Variants in ANGPTL5 observed in about 807,000 individuals in gnomAD.
ANGPTL5 encodes the protein angiopoietin-related protein 5.
A neutral mutation model predicts 39.4 loss-of-function variants in ANGPTL5; 34 were observed. The observed-to-expected ratio is 0.86, with a 90% CI of 0.66 to 1.15. The LOEUF is 1.15. Among genes scored for constraint, ANGPTL5 ranks in the 50% most tolerant of loss-of-function variants. ANGPTL5 has a pLI of 0.00. For missense variants in ANGPTL5, 467 were observed against 457.5 expected (o/e 1.02, Z -0.19); for synonymous variants, 146 against 152.1 (o/e 0.96, Z 0.29).
chr11:101,900,584 A>G (rs761711647), intron 6 of ANGPTL5, 34 bp from the exon 7 acceptor site: 20 of 1,590,188 alleles, frequency 1.3e-5, no homozygotes, highest in Non-Finnish European at 1.2e-5. Context: ...AAAATAATAC[A>G]CTATTATTTT....
chr11:101,909,782 T>A (rs563839307), intron 1 of ANGPTL5, among the ~76,000 whole-genome samples: 9 of 152,334 alleles, frequency 5.9e-5, no homozygotes, highest in Admixed American at 2.0e-4. Context: ...ACTTGTTAAA[T>A]TAAATAAGCA....
intron 7 of ANGPTL5, among the ~76,000 whole-genome samples, chr11:101,896,676 G>A (rs191902842): frequency 0.012 from 1,799 of 152,218 alleles, 16 homozygotes; most frequent in Non-Finnish European, 0.021. Flanking sequence ...TCCCTGCAAA[G>A]GACATGAACT....
intron 1 of ANGPTL5, among the ~76,000 whole-genome samples, chr11:101,913,149 A>G (rs371584682): frequency 6.6e-6 from 1 of 152,184 alleles, no homozygotes. Flanking sequence ...ACTGATTTCA[A>G]TAACTTTCTC....
intron 1 of ANGPTL5, among the ~76,000 whole-genome samples, chr11:101,910,583 C>G (rs771222286): frequency 6.6e-6 from 1 of 152,150 alleles, no homozygotes; most frequent in Middle Eastern, 3.4e-3. Flanking sequence ...TCACATTTAA[C>G]ATGTTTGAAG....
chr11:101,896,813 C>T (rs953719356), intron 7 of ANGPTL5, among the ~76,000 whole-genome samples: 6 of 152,186 alleles, frequency 3.9e-5, no homozygotes, highest in Non-Finnish European at 8.8e-5. Context: ...CTGCAATACA[C>T]GTACATGTAC....
intron 8 of ANGPTL5, 139 bp downstream of exon 8, chr11:101,894,740 C>A (rs183780157): frequency 2.3e-6 from 2 of 861,954 alleles, no homozygotes; most frequent in Admixed American, 2.6e-5. Flanking sequence ...CAAGACTTGG[C>A]CAGCTTTCTT....
At chr11:101,906,189 C>T (rs2137061836) in intron 3 of ANGPTL5, among the ~76,000 whole-genome samples, 1 of 152,194 alleles carries the variant, frequency 6.6e-6, no homozygotes, top group Admixed American at 6.5e-5. Context: ...TAGGATTCAT[C>T]AATTCTTACT....
Position 101,891,067 on chromosome 11 carries a change from T to C in ANGPTL5, c.*212A>G, listed in dbSNP as rs898149740. The C allele has an allele frequency of 7.0e-6, 3 of 430,882 alleles. No homozygotes were observed. The highest frequency in any genetic ancestry group is 1.2e-5 in the Non-Finnish European group (3 of 243,382). 26.7% of individuals were successfully genotyped at this position (430,882 alleles called of 1,614,324 possible). On this transcript the variant is annotated 3_prime_UTR_variant, in exon 9 of 9. Transcript: ENST00000334289. ...TGAAACAAATTTCATTGTATATTGT[T>C]AATATAGTCAGAAGTAAAAACATAC...
At chr11:101,900,905 G>A (rs936939127) in intron 6 of ANGPTL5, among the ~76,000 whole-genome samples, 9 of 151,206 alleles carry the variant, frequency 6.0e-5, no homozygotes, top group African/African-American at 2.2e-4. Context: ...AGGCTGGAGT[G>A]CAGTGGCGCG....
chr11:101,902,303 T>C lies in ANGPTL5; in HGVS notation c.540+318A>G, dbSNP rs549636228. Among the ~76,000 whole-genome samples the C allele has an allele frequency of 3.3e-5, 5 of 152,260 alleles. No homozygotes were observed. In the South Asian group the frequency reaches 8.3e-4, roughly 25 times the overall value. On this transcript the variant is annotated intron_variant, in intron 6 of 8. Transcript: ENST00000334289. ...AAAGCAAGCAAGTATTTATATTGCA[T>C]AGTTCTGCCTGCTATAGTTCTGCCT...
At chr11:101,912,908 C>A (rs1370761516) in intron 1 of ANGPTL5, among the ~76,000 whole-genome samples, 2 of 152,162 alleles carry the variant, frequency 1.3e-5, no homozygotes, top group Non-Finnish European at 2.9e-5. Flanking sequence ...AGTAAGATAT[C>A]AAATTACAAA....
intron 1 of ANGPTL5, among the ~76,000 whole-genome samples, chr11:101,909,902 T>C (rs542835565): frequency 1.8e-4 from 27 of 152,298 alleles, no homozygotes; most frequent in South Asian, 1.2e-3. Flanking sequence ...CAGCCAATCA[T>C]AGGCAGCCAA....
intron 4 of ANGPTL5, among the ~76,000 whole-genome samples, 168 bp downstream of exon 4, chr11:101,905,576 A>AT (rs1303286434): frequency 6.6e-6 from 1 of 152,120 alleles, no homozygotes; most frequent in African/African-American, 2.4e-5. Context: ...ATTAAGTTCG[A>AT]TTTTTTTACT....
At position 101,891,297 on chromosome 11, in the gene ANGPTL5, G is replaced by A. The variant is rs368979420; in HGVS notation, c.1149C>T (p.Tyr383=). ...KSVSMKIRRM[Y]NPYFK ...AATGAGATTATTTAAAATATGGATTGTACATTCTTCTAATTTTCATTGAAA... is the reference window on the plus strand; with the variant it reads ...AATGAGATTATTTAAAATATGGATTATACATTCTTCTAATTTTCATTGAAA... Residue 383 remains tyrosine, a synonymous_variant, in exon 9 of 9, where the codon TAC becomes TAT. Transcript: ENST00000334289. 33 of 1,610,550 alleles carry A rather than the reference G, an allele frequency of 2.0e-5. No individual in the cohort carries two copies. The highest frequency in any genetic ancestry group is 2.5e-5 in the Non-Finnish European group (30 of 1,176,912).
intron 8 of ANGPTL5, among the ~76,000 whole-genome samples, chr11:101,892,921 T>C (rs1939727854): frequency 6.6e-6 from 1 of 152,194 alleles, no homozygotes. Flanking sequence ...CTGCACTTCA[T>C]GGGAAACAAA....
chr11:101,893,584 T>C (rs1404484434), intron 8 of ANGPTL5, among the ~76,000 whole-genome samples: 1 of 152,204 alleles, frequency 6.6e-6, no homozygotes, highest in Non-Finnish European at 1.5e-5. Context: ...ACTTTTGCCA[T>C]TATCAATATT....
intron 1 of ANGPTL5, chr11:101,915,302 C>T (rs201779479): frequency 6.8e-6 from 11 of 1,613,580 alleles, no homozygotes; most frequent in Admixed American, 6.7e-5. Flanking sequence ...CGGGGAGGCC[C>T]GGAACCCGGA....
rs769401345 is a variant in ANGPTL5 at position 101,891,454 on chromosome 11, G to A, written c.992C>T (p.Thr331Ile). The A allele has an allele frequency of 1.9e-6, 3 of 1,614,040 alleles. No individual in the cohort carries two copies. The highest frequency in any genetic ancestry group is 2.2e-5 in the East Asian group (1 of 44,870). ...VKSCSHLHNKTGWWFNECGLA... is the reference protein window; with the variant it reads ...VKSCSHLHNKIGWWFNECGLA... ...ACCACACTCGTTAAACCACCAGCCG[G>A]TCTTGTTATGGAGGTGACTGCAGCT... Residue 331 changes from threonine to isoleucine, a missense_variant, in exon 9 of 9, where the codon ACC becomes ATC. Coordinates refer to ENST00000334289, the MANE Select transcript of ANGPTL5 (RefSeq NM_178127.5).
intron 1 of ANGPTL5, among the ~76,000 whole-genome samples, chr11:101,910,893 C>G (rs1421391757): frequency 6.6e-6 from 1 of 152,028 alleles, no homozygotes; most frequent in African/African-American, 2.4e-5. Context: ...ACTAGAGGGT[C>G]TCTTTAAAGG....
Sources: allele counts gnomAD v4.1 joint callset (sites outside exome capture counted in the v4.1 genomes callset), GRCh38; gene constraint gnomAD v4.1.1; transcripts MANE v1.5; gene names NCBI Gene and HGNC (gene_info 2026-07-23, HGNC 2026-07-21).